KSR1: variants seen among roughly 807,000 people sequenced by gnomAD.
KSR1 encodes the protein kinase suppressor of ras 1, also known as kinase suppressor of ras.
In KSR1, 35 loss-of-function variants were observed where a neutral mutation model predicts 92.9. The ratio of observed to expected loss-of-function variants is 0.38; its 90% confidence interval spans 0.29 to 0.50. The LOEUF (loss-of-function observed/expected upper bound fraction) is 0.50, where lower values mean the gene tolerates loss of function less well. KSR1 is among the 20% of genes least tolerant of loss of function. KSR1 has a pLI of 0.94. For missense variants in KSR1, 972 were observed against 1,158.5 expected, an observed-to-expected ratio of 0.84 and a Z score of 2.34; for synonymous variants, 467 against 472.6, an observed-to-expected ratio of 0.99 and a Z score of 0.15.
chr17:27,538,331 G>C (rs2070826530), intron 1 of KSR1, among the ~76,000 whole-genome samples: 1 of 152,184 alleles, frequency 6.6e-6, no homozygotes, highest in African/African-American at 2.4e-5. Context: ...TGGTTTTCCA[G>C]GCAGCTCTTG....
intron 1 of KSR1, among the ~76,000 whole-genome samples, chr17:27,481,722 T>TTGTA (rs2068515965): frequency 6.6e-6 from 1 of 152,174 alleles, no homozygotes; most frequent in Non-Finnish European, 1.5e-5. Flanking sequence ...CATGGATGAA[T>TTGTA]TGTAGAGTGG....
intron 1 of KSR1, among the ~76,000 whole-genome samples, chr17:27,519,763 GGGTTGT>G (rs1164633687): frequency 1.3e-5 from 2 of 152,202 alleles, no homozygotes; most frequent in Non-Finnish European, 2.9e-5. Flanking sequence ...AAATTGGGAC[GGGTTGT>G]GGTGAGGGAC....
At chr17:27,580,026 G>C (rs2948514) in intron 3 of KSR1, 89,648 of 151,458 alleles carry the variant, frequency 0.59, 26,611 homozygotes, top group Admixed American at 0.69. Flanking sequence ...CTGTGTGACT[G>C]TAGTGTCATT....
chr17:27,563,913 G>A (rs529838423), intron 2 of KSR1, among the ~76,000 whole-genome samples: 2 of 148,834 alleles, frequency 1.3e-5, no homozygotes, highest in African/African-American at 4.9e-5. Flanking sequence ...TTTCCTTTTA[G>A]CACTTATTCA....
chr17:27,603,290 C>T (rs2073631148), intron 11 of KSR1, among the ~76,000 whole-genome samples: 1 of 152,238 alleles, frequency 6.6e-6, no homozygotes, highest in Admixed American at 6.5e-5. Context: ...TACCTGAAGC[C>T]GAGGGCTCGG....
chr17:27,590,438 C>T (rs1322624299), intron 6 of KSR1, among the ~76,000 whole-genome samples: 1 of 152,204 alleles, frequency 6.6e-6, no homozygotes, highest in Non-Finnish European at 1.5e-5. Context: ...TAACATGCTG[C>T]AGGCATACCT....
At chr17:27,462,098 A>G (rs1373216045) in intron 1 of KSR1, among the ~76,000 whole-genome samples, 4 of 152,238 alleles carry the variant, frequency 2.6e-5, no homozygotes, top group South Asian at 2.1e-4. Flanking sequence ...GAGAGGGCAG[A>G]CACAGATGAA....
At chr17:27,603,348 C>T (rs1388494623) in intron 11 of KSR1, among the ~76,000 whole-genome samples, 1 of 152,236 alleles carries the variant, frequency 6.6e-6, no homozygotes, top group Non-Finnish European at 1.5e-5. Flanking sequence ...CACCAGGTGT[C>T]GCTAATGAGC....
chr17:27,545,852 C>T lies in KSR1; in HGVS notation c.232-4716C>T, dbSNP rs543280783. ...GAGGCTGGACTGGGGAAGGCCCAAA[C>T]GCTGGCTCAGGCTAAGGCCAGGTGG... is the stretch of plus-strand genomic sequence containing the variant. On this transcript the variant is annotated intron_variant, in intron 1 of 20. Coordinates refer to ENST00000644974, the MANE Select transcript of KSR1 (RefSeq NM_001394583.1). Among the ~76,000 whole-genome samples, 216 of 152,288 alleles carry T rather than the reference C, an allele frequency of 1.4e-3. 4 individuals carry two copies. In the South Asian group the frequency reaches 0.04, roughly 28 times the overall value.
chr17:27,503,793 C>T (rs1365925952), intron 1 of KSR1, among the ~76,000 whole-genome samples: 1 of 152,100 alleles, frequency 6.6e-6, no homozygotes, highest in African/African-American at 2.4e-5. Context: ...CTCTCGTGCT[C>T]CTAGATGGTG....
At chr17:27,566,665 G>A (rs2072087046) in intron 2 of KSR1, 1 of 397,874 alleles carries the variant, frequency 2.5e-6, no homozygotes, top group African/African-American at 2.1e-5. Flanking sequence ...TTTGCTACCT[G>A]GCTGTAGAAC....
intron 12 of KSR1, among the ~76,000 whole-genome samples, chr17:27,604,452 T>A (rs1307589315): frequency 4.6e-5 from 7 of 152,292 alleles, no homozygotes; most frequent in Admixed American, 6.5e-5. Context: ...TGCCCACCTC[T>A]CAGCCCCCAC....
At chr17:27,470,159 G>A (rs962734899) in intron 1 of KSR1, among the ~76,000 whole-genome samples, 1 of 151,146 alleles carries the variant, frequency 6.6e-6, no homozygotes, top group Non-Finnish European at 1.5e-5. Context: ...AGATTCAAGT[G>A]ATCCTTCTGT....
chr17:27,565,925 C>T (rs1290037687), intron 2 of KSR1, among the ~76,000 whole-genome samples: 1 of 152,088 alleles, frequency 6.6e-6, no homozygotes, highest in African/African-American at 2.4e-5. Flanking sequence ...TGGTGTAGAC[C>T]TCTAGGAGTT....
intron 1 of KSR1, among the ~76,000 whole-genome samples, chr17:27,509,349 G>A (rs1390601360): frequency 2.0e-5 from 3 of 151,796 alleles, no homozygotes; most frequent in African/African-American, 7.3e-5. Flanking sequence ...GGGGTGCAGT[G>A]GTGCGATCTT....
At chr17:27,602,463 A>T (rs370876860) in intron 11 of KSR1, among the ~76,000 whole-genome samples, 53 of 152,228 alleles carry the variant, frequency 3.5e-4, no homozygotes, top group African/African-American at 1.3e-3. Flanking sequence ...TCCCCCGAAG[A>T]TATGTCACAG....
At position 27,592,399 on chromosome 17, in the gene KSR1, C is replaced by T; in HGVS notation, c.1169C>T (p.Ala390Val). ...CHNKCTKEAP[A>V]CRISFLPLTR... ...AACAAATGTACCAAAGAAGCCCCTG[C>T]CTGTAGAATATCCTTCCTGCCACGT... The change falls in exon 8 of 21, where the codon GCC (alanine) becomes GTC (valine). Residue 390 changes from alanine (A) to valine (V), a missense_variant. By Grantham distance (64) the Ala-to-Val change is moderately conservative. Around this residue, in one of 5 missense-constraint regions of KSR1, gnomAD observed 611 missense variants for 668.0 expected, o/e 0.91. Coordinates refer to ENST00000644974, the MANE Select transcript of KSR1 (RefSeq NM_001394583.1). The T allele has an allele frequency of 6.2e-7, 1 of 1,613,974 alleles. No homozygotes were observed. Among genetic ancestry groups the T allele is most frequent in the South Asian group, 1.1e-5 (1 of 91,082 alleles).
intron 2 of KSR1, among the ~76,000 whole-genome samples, chr17:27,561,884 C>A (rs2071843913): frequency 6.6e-6 from 1 of 152,096 alleles, no homozygotes; most frequent in Non-Finnish European, 1.5e-5. Flanking sequence ...CTCGCTCTGT[C>A]GCCCAGGCTG....
At chr17:27,489,558 C>G (rs1460178926) in intron 1 of KSR1, among the ~76,000 whole-genome samples, 1 of 152,204 alleles carries the variant, frequency 6.6e-6, no homozygotes, top group Non-Finnish European at 1.5e-5. Flanking sequence ...CCTGGTAACC[C>G]TGGCTCATTC....
Sources: allele counts gnomAD v4.1 joint callset (sites outside exome capture counted in the v4.1 genomes callset), GRCh38; gene constraint gnomAD v4.1.1; regional missense constraint gnomAD v4.1.1; transcripts MANE v1.5; gene names NCBI Gene and HGNC (gene_info 2026-07-23, HGNC 2026-07-21).